AFMID: variants seen among roughly 807,000 people sequenced by gnomAD.
AFMID encodes the protein arylformamidase, also known as kynurenine formamidase.
A neutral mutation model predicts 47.5 loss-of-function variants in AFMID; 39 were observed. The ratio of observed to expected loss-of-function variants is 0.82; its 90% CI spans 0.64 to 1.07. AFMID has a LOEUF of 1.07. Ranked by LOEUF, AFMID falls within the 50% of genes least tolerant of loss-of-function variation. AFMID has a pLI of 0.00. For synonymous variants in AFMID, 130 were observed against 153.2 expected (o/e 0.85, Z 1.12); for missense variants, 375 against 387.5 (o/e 0.97, Z 0.27).
chr17:78,205,157 T>G lies in AFMID; in HGVS notation c.532T>G (p.Trp178Gly). ...HLAAMMLLAD[W>G]TKHGVTPNLR... The stretch of plus-strand genomic sequence containing the variant: ...GGCTGCCATGATGCTCCTGGCCGAC[T>G]GGACCAAGCATGGGGTCACGCCCAA... Residue 178 changes from tryptophan to glycine, a missense_variant, in exon 7 of 11, where the codon TGG becomes GGG. Physicochemically the swap from Trp to Gly is radical, Grantham distance 184. Transcript: ENST00000409257. 1 of 1,612,966 alleles carries G rather than the reference T, an allele frequency of 6.2e-7. No individual in the cohort carries two copies. The highest frequency in any genetic ancestry group is 8.5e-7 in the Non-Finnish European group (1 of 1,179,544).
At chr17:78,192,241 C>T (rs1231213372) in intron 2 of AFMID, among the ~76,000 whole-genome samples, 1 of 148,802 alleles carries the variant, frequency 6.7e-6, no homozygotes, top group Non-Finnish European at 1.5e-5. Flanking sequence ...GAACTCCTGA[C>T]CTCAGGTGAT....
At chr17:78,190,206 G>A (rs72898283) in intron 1 of AFMID, among the ~76,000 whole-genome samples, 28,855 of 151,506 alleles carry the variant, frequency 0.19, 3,359 homozygotes, top group Non-Finnish European at 0.26. Context: ...AAGTGTGAAG[G>A]TGTTAGCCCG....
chr17:78,188,632 T>C (rs1319183602), intron 1 of AFMID, among the ~76,000 whole-genome samples: 2 of 149,922 alleles, frequency 1.3e-5, no homozygotes, highest in African/African-American at 4.9e-5. Context: ...AGTCTCGCTC[T>C]ATCGCCCAGG....
chr17:78,190,431 G>T (rs868706589), intron 1 of AFMID, among the ~76,000 whole-genome samples: 8 of 151,966 alleles, frequency 5.3e-5, no homozygotes, highest in Admixed American at 1.3e-4. Flanking sequence ...GTCTTGCTCT[G>T]TCGCTAGGCT....
At chr17:78,202,397 C>G in intron 2 of AFMID, 102 bp from the exon 3 acceptor site, 1 of 1,191,014 alleles carries the variant, frequency 8.4e-7, no homozygotes, top group Non-Finnish European at 1.2e-6. Flanking sequence ...CCACTGCACT[C>G]CAGCTTGGGC....
intron 2 of AFMID, among the ~76,000 whole-genome samples, chr17:78,193,809 C>T (rs2076038509): frequency 6.6e-6 from 1 of 151,924 alleles, no homozygotes; most frequent in African/African-American, 2.4e-5. Context: ...AACCCTGTCT[C>T]TACTAAAAAT....
At chr17:78,205,343 C>G in intron 7 of AFMID, 97 bp from the exon 8 acceptor site, 1 of 1,476,868 alleles carries the variant, frequency 6.8e-7, no homozygotes, top group Non-Finnish European at 9.4e-7. Context: ...TCCTCTGTGC[C>G]CCTTCCCCTG....
intron 2 of AFMID, chr17:78,197,466 GCCCTGGGGCTTATCAGACACCAA>G: frequency 2.5e-6 from 1 of 403,892 alleles, no homozygotes; most frequent in Non-Finnish European, 4.4e-6. Flanking sequence ...CAGGTCTGCA[GCCCTGGGGCTTATCAGACACCAA>G]CCCTGCTGGC....
At position 78,205,718 on chromosome 17, in the gene AFMID, C is replaced by G; in HGVS notation, c.760C>G (p.Gln254Glu). The G allele has an allele frequency of 6.2e-7, 1 of 1,610,678 alleles. No individual in the cohort carries two copies. The highest frequency in any genetic ancestry group is 1.1e-5 in the South Asian group (1 of 91,086). ...GQFDSPEFHR[Q>E]SWEFYQTLCQ... Reference sequence around the variant, plus strand: ...GTTCGACTCCCCCGAATTCCACCGACAGTCCTGGGAGTTTTACCAGGTACT... The same window carrying G: ...GTTCGACTCCCCCGAATTCCACCGAGAGTCCTGGGAGTTTTACCAGGTACT... The change falls in exon 9 of 11, where the codon CAG (glutamine) becomes GAG (glutamate). Residue 254 changes from glutamine to glutamate, a missense_variant. By Grantham distance (29) the Gln-to-Glu change is conservative (BLOSUM62 2). Coordinates refer to ENST00000409257, the MANE Select transcript of AFMID (RefSeq NM_001010982.5).
At position 78,205,667 on chromosome 17, in the gene AFMID, TGCCGTGTGCTGGTGGTCGTGG is replaced by T; in HGVS notation, c.713_733del (p.Arg238_Gly244del). The T allele has an allele frequency of 6.2e-7, 1 of 1,613,670 alleles. No individual in the cohort carries two copies. The highest frequency in any genetic ancestry group is 2.2e-5 in the East Asian group (1 of 44,872). ...CCAGGCACAGCCGGTGGACCCCACCTGCCGTGTGCTGGTGGTCGTGGGCCAGTTCGACTCCCCCGAATTCCA... is the reference window on the plus strand; with the variant it reads ...CCAGGCACAGCCGGTGGACCCCACCTGCCAGTTCGACTCCCCCGAATTCCA... On this transcript the variant is annotated inframe_deletion, in exon 9 of 11. Transcript: ENST00000409257.
At chr17:78,202,786 G>C (rs945988017) in intron 4 of AFMID, 35 bp downstream of exon 4, 2 of 1,550,828 alleles carry the variant, frequency 1.3e-6, no homozygotes, top group African/African-American at 2.7e-5. Flanking sequence ...GACTGCAAGA[G>C]AGATTCCACT....
chr17:78,195,729 CG>C, intron 2 of AFMID, among the ~76,000 whole-genome samples: 1 of 151,966 alleles, frequency 6.6e-6, no homozygotes, highest in Non-Finnish European at 1.5e-5. Context: ...CTGGAACTCC[CG>C]ACCTCAGGTC....
chr17:78,199,060 T>C (rs1291787853), intron 2 of AFMID, among the ~76,000 whole-genome samples: 1 of 152,236 alleles, frequency 6.6e-6, no homozygotes, highest in African/African-American at 2.4e-5. Context: ...TTCTCGTCAG[T>C]ACGTCAGTAC....
At chr17:78,187,749 C>T (rs1407913005) in intron 1 of AFMID, among the ~76,000 whole-genome samples, 1 of 151,876 alleles carries the variant, frequency 6.6e-6, no homozygotes, top group Non-Finnish European at 1.5e-5. Flanking sequence ...GTCAGGAGTT[C>T]GAGACCAGCC....
intron 2 of AFMID, among the ~76,000 whole-genome samples, chr17:78,201,965 C>T (rs951007868): frequency 2.5e-4 from 38 of 151,744 alleles, no homozygotes; most frequent in African/African-American, 8.2e-4. Flanking sequence ...CTCCTGACCT[C>T]GTGATCCACC....
At chr17:78,187,689 A>G (rs1174569275) in intron 1 of AFMID, among the ~76,000 whole-genome samples, 1 of 152,112 alleles carries the variant, frequency 6.6e-6, no homozygotes, top group East Asian at 1.9e-4. Context: ...AGACCCTGCC[A>G]GGCGTGGCGG....
chr17:78,201,809 C>T (rs1025023570), intron 2 of AFMID, among the ~76,000 whole-genome samples: 79 of 152,028 alleles, frequency 5.2e-4, no homozygotes, highest in African/African-American at 1.8e-3. Context: ...CAGCTCACTG[C>T]AAGCTCCACC....
At chr17:78,187,809 G>A (rs1157016738) in intron 1 of AFMID, among the ~76,000 whole-genome samples, 1 of 151,738 alleles carries the variant, frequency 6.6e-6, no homozygotes, top group African/African-American at 2.4e-5. Context: ...AAAATTAGCC[G>A]GGCGTGGTGA....
Position 78,205,929 on chromosome 17 carries a change from A to G in AFMID, c.781-17A>G, listed in dbSNP as rs1221231651. The G allele has an allele frequency of 6.2e-6, 10 of 1,611,590 alleles. No homozygotes were observed. Among genetic ancestry groups the G allele is most frequent in the Admixed American group, 3.3e-5 (2 of 59,848 alleles). On this transcript the variant is annotated splice_polypyrimidine_tract_variant and intron_variant, in intron 9 of 10. Coordinates refer to ENST00000409257, the MANE Select transcript of AFMID (RefSeq NM_001010982.5). ...TCCCACTGCTCAGGCCCCTCTTCCC[A>G]TGTCTCCCCTGCCCAGACCCTGTGT...
Sources: allele counts gnomAD v4.1 joint callset (sites outside exome capture counted in the v4.1 genomes callset), GRCh38; gene constraint gnomAD v4.1.1; transcripts MANE v1.5; gene names NCBI Gene and HGNC (gene_info 2026-07-23, HGNC 2026-07-21).